The following EXD3 variants were observed in gnomAD, a reference collection of about 807,000 sequenced individuals.
EXD3 encodes the protein exonuclease 3'-5' domain containing 3.
In EXD3, 92 loss-of-function variants were observed where a neutral mutation model predicts 98.0. The observed-to-expected ratio is 0.94, with a 90% CI of 0.79 to 1.12. The LOEUF is 1.12. Among genes scored for constraint, EXD3 ranks in the 50% most tolerant of loss-of-function variants. The pLI is 0.00. For synonymous variants in EXD3, 569 were observed against 526.0 expected, an observed-to-expected ratio of 1.08 and a Z score of -1.12; for missense variants, 1,222 against 1,191.6, an observed-to-expected ratio of 1.03 and a Z score of -0.38.
At chr9:137,307,313 C>T (rs1831097264) in intron 21 of EXD3, 50 bp from the exon 22 acceptor site, 12 of 1,445,420 alleles carry the variant, frequency 8.3e-6, no homozygotes, top group Non-Finnish European at 1.1e-5. Flanking sequence ...CGGGCACGGC[C>T]CCCAGGCTGC....
chr9:137,306,935 A>C lies in EXD3; in HGVS notation c.*15T>G, dbSNP rs1426497822. 10 of 1,542,906 alleles carry C rather than the reference A, an allele frequency of 6.5e-6. No individual in the cohort carries two copies. Among genetic ancestry groups the C allele is most frequent in the Non-Finnish European group, 8.7e-6 (10 of 1,143,292 alleles). Reference sequence around the variant, plus strand: ...CAGCAGTCGGGCACTTTCCATGTTTATTGTCTGGCTGTCCTCAGAAGGGAC... The same window carrying C: ...CAGCAGTCGGGCACTTTCCATGTTTCTTGTCTGGCTGTCCTCAGAAGGGAC... On this transcript the variant is annotated 3_prime_UTR_variant, in exon 22 of 22. Transcript: ENST00000340951.
rs1294677622 is a variant in EXD3, at chr9:137,387,024, C to T, written c.56-3647G>A. On this transcript the variant is annotated intron_variant, in intron 2 of 21. Transcript: ENST00000340951. ...CGCTCCCTGCCTGGCCCCCTCAGCACCCCTGCTCCCTGCCTGCCTCCCTCA... is the reference window on the plus strand; with the variant it reads ...CGCTCCCTGCCTGGCCCCCTCAGCATCCCTGCTCCCTGCCTGCCTCCCTCA... Among the ~76,000 whole-genome samples, 5 of 150,720 alleles carry T rather than the reference C, an allele frequency of 3.3e-5. No homozygotes were observed. The East Asian group carries it at 7.9e-4, about 24-fold the overall frequency.
intron 17 of EXD3, among the ~76,000 whole-genome samples, chr9:137,333,839 T>G (rs1241356773): frequency 1.3e-5 from 2 of 152,072 alleles, no homozygotes; most frequent in East Asian, 3.9e-4. Context: ...TTTTTTTCTT[T>G]TCTTTTCTTT....
chr9:137,368,160 A>G (rs965229581), intron 5 of EXD3, among the ~76,000 whole-genome samples, 171 bp from the exon 6 acceptor site: 1 of 152,164 alleles, frequency 6.6e-6, no homozygotes, highest in Non-Finnish European at 1.5e-5. Context: ...GGCCTGGCAG[A>G]CAAGCCCCCC....
intron 1 of EXD3, among the ~76,000 whole-genome samples, chr9:137,416,931 G>T (rs1307239897): frequency 6.6e-6 from 1 of 152,224 alleles, no homozygotes. Context: ...AGGCCAGGAA[G>T]CCCCGACACC....
Position 137,393,266 on chromosome 9 carries a change from G to A in EXD3, c.55+2037C>T, listed in dbSNP as rs893256504. ...CAGGGAGAGTCAGCTCTGTGCTGAG[G>A]CGAACCCAGGGTCCCATGCGCTCCC... is the stretch of plus-strand genomic sequence containing the variant. On this transcript the variant is annotated intron_variant, in intron 2 of 21. Coordinates refer to ENST00000340951, the MANE Select transcript of EXD3 (RefSeq NM_017820.5). This position sits in a 1 kb window ranked among gnomAD's most constrained non-coding sequence, Gnocchi z 4.6. The A allele has an allele frequency of 1.4e-6, 1 of 701,934 alleles. No individual in the cohort carries two copies. Among genetic ancestry groups the A allele is most frequent in the African/African-American group, 1.7e-5 (1 of 57,216 alleles). The allele number at this position is 701,934 out of a possible 1,614,324, so 43.5% of individuals were successfully genotyped here.
intron 2 of EXD3, chr9:137,392,309 G>T (rs769292129): frequency 6.5e-6 from 1 of 154,458 alleles, no homozygotes; most frequent in African/African-American, 2.4e-5. Context: ...TCTAGAACAC[G>T]CCAGAGGTGG....
At chr9:137,368,725 C>CGGTGCGCA (rs1337211839) in intron 5 of EXD3, among the ~76,000 whole-genome samples, 1 of 152,242 alleles carries the variant, frequency 6.6e-6, no homozygotes, top group Admixed American at 6.5e-5. Flanking sequence ...CTTCCAGCCC[C>CGGTGCGCA]GGTGCGCAGG....
chr9:137,355,887 C>T (rs1834755960), intron 8 of EXD3, among the ~76,000 whole-genome samples: 1 of 152,156 alleles, frequency 6.6e-6, no homozygotes, highest in Admixed American at 6.6e-5. Context: ...CCTGGCTTCC[C>T]TTGGTGTCCA....
chr9:137,365,782 CACGT>C (rs1354896076), intron 7 of EXD3: 1 of 332,654 alleles, frequency 3.0e-6, no homozygotes, highest in Non-Finnish European at 5.9e-6. Flanking sequence ...CACGAAAACA[CACGT>C]ACACCTGCAG....
Position 137,366,563 on chromosome 9 carries a change from G to T in EXD3, c.586C>A (p.Leu196Ile). 1 of 1,552,274 alleles carries T rather than the reference G, an allele frequency of 6.4e-7. No homozygotes were observed. Among genetic ancestry groups the T allele is most frequent in the Non-Finnish European group, 8.7e-7 (1 of 1,148,266 alleles). The change falls in exon 7 of 22, where the codon CTC becomes ATC. Residue 196 changes from leucine (L) to isoleucine (I), a missense_variant. Leu to Ile is a conservative substitution (Grantham distance 5, BLOSUM62 2). Coordinates refer to ENST00000340951, the MANE Select transcript of EXD3 (RefSeq NM_017820.5). ...VERYVAGFPD[L>I]QRRLLVLMDS... ...ATGAGGACCAGCAGCCTCCTCTGGA[G>T]GTCCGGGAAGCCGGCCACATAGCGC...
At chr9:137,315,954 C>T (rs1261284670) in intron 19 of EXD3, among the ~76,000 whole-genome samples, 1 of 150,956 alleles carries the variant, frequency 6.6e-6, no homozygotes, top group African/African-American at 2.4e-5. Context: ...CAGGGGATGG[C>T]AGCTCCCCCC....
intron 3 of EXD3, among the ~76,000 whole-genome samples, chr9:137,382,160 TGGGAGCATGC>T (rs1836338715): frequency 3.6e-4 from 47 of 129,496 alleles, no homozygotes; most frequent in East Asian, 7.2e-4. Context: ...GGGGAGGAGG[TGGGAGCATGC>T]GGAGGAGGTG....
Position 137,373,015 on chromosome 9 carries a change from G to A in EXD3, c.352C>T (p.Pro118Ser), listed in dbSNP as rs371916480. Residue 118 changes from proline to serine, a missense_variant, in exon 5 of 22, where the codon CCC (proline) becomes TCC (serine). Transcript: ENST00000340951. ...GCCAGTGGTGCCGCAAGGCTGGGGG[G>A]GCTCTCAGTGAGGACTTTGACCGCT... ...ARAVKVLTES[P>S]PSLAAPLASI... 5.2e-5 allele frequency: 83 copies of A among 1,604,894 alleles called. No individual in the cohort carries two copies. In the Middle Eastern group the frequency reaches 8.3e-4, roughly 16 times the overall value.
chr9:137,375,626 CCTAGTGAGTTCTAGCT>C (rs1331643048), intron 3 of EXD3, among the ~76,000 whole-genome samples: 16 of 144,164 alleles, frequency 1.1e-4, no homozygotes, highest in South Asian at 4.5e-4. Context: ...GAGTCCTAGC[CCTAGTGAGTTCTAGCT>C]CTAGTGAGTT....
At chr9:137,373,229 C>A (rs1321409285) in intron 4 of EXD3, among the ~76,000 whole-genome samples, 157 bp from the exon 5 acceptor site, 1 of 152,218 alleles carries the variant, frequency 6.6e-6, no homozygotes, top group Non-Finnish European at 1.5e-5. Context: ...AGGGGCGAGG[C>A]CGGTCTCAGC....
intron 8 of EXD3, among the ~76,000 whole-genome samples, chr9:137,355,497 G>GGGAGGAAGGAGA (rs1834626772): frequency 2.2e-5 from 1 of 44,750 alleles, no homozygotes; most frequent in Admixed American, 2.1e-4. Context: ...GAGGATGGAG[G>GGGAGGAAGGAGA]AAGGAGGAAG....
Position 137,385,627 on chromosome 9 carries a change from T to G in EXD3, c.56-2250A>C, listed in dbSNP as rs1836551440. On this transcript the variant is annotated intron_variant, in intron 2 of 21. Transcript: ENST00000340951. The surrounding 1 kb of genome is among the most constrained non-coding windows in gnomAD (Gnocchi z 4.4). The stretch of plus-strand genomic sequence containing the variant: ...CTCGGCTCACTGCAACCTCCACCTC[T>G]CAGGTTCGTGATTCTCGTGCCTCAG... Among the ~76,000 whole-genome samples, 1 of 152,218 alleles carries G rather than the reference T, an allele frequency of 6.6e-6. No individual in the cohort carries two copies. The highest frequency in any genetic ancestry group is 1.5e-5 in the Non-Finnish European group (1 of 68,006).
rs1588314460 is a variant in EXD3 at position 137,349,025 on chromosome 9, T to C, written c.1830+85A>G. ...TCCACACGCTCTGACCCAGTGGCCT[T>C]GTCTCCATGCAGGTCCTTGGTTTAT... On this transcript the variant is annotated intron_variant, in intron 16 of 21. Transcript: ENST00000340951. This position sits in a 1 kb window ranked among gnomAD's most constrained non-coding sequence, Gnocchi z 7.4. 3 of 1,449,920 alleles carry C rather than the reference T, an allele frequency of 2.1e-6. No homozygotes were observed. The highest frequency in any genetic ancestry group is 4.8e-5 in the East Asian group (2 of 42,080). The allele number at this position is 1,449,920 out of a possible 1,614,324, so 89.8% of individuals were successfully genotyped here. A position where few individuals can be genotyped will look rare whatever the true frequency, so the allele number is the denominator to read the frequency against.
Sources: allele counts gnomAD v4.1 joint callset (sites outside exome capture counted in the v4.1 genomes callset), GRCh38; gene constraint gnomAD v4.1.1; non-coding constraint Gnocchi (gnomAD v3.1); transcripts MANE v1.5; gene names NCBI Gene and HGNC (gene_info 2026-07-23, HGNC 2026-07-21).